Variants in ZNF81 observed in about 807,000 individuals in gnomAD.
ZNF81 encodes zinc finger protein 81.
A neutral mutation model predicts 32.3 loss-of-function variants in ZNF81; 5 were observed. The observed-to-expected ratio is 0.15, with a 90% CI of 0.08 to 0.33. ZNF81 has a LOEUF of 0.33. ZNF81 is among the 10% of genes least tolerant of loss of function. The pLI is 1.00. For synonymous variants in ZNF81, 163 were observed against 166.8 expected, an observed-to-expected ratio of 0.98 and a Z score of 0.17; for missense variants, 379 against 479.8, an observed-to-expected ratio of 0.79 and a Z score of 1.96.
rs1382042633 is a variant in ZNF81 at position 47,915,888 on chromosome X, C to T, written c.1242C>T (p.His414=). ...AAATTCACACTGGAGAGAGACATCACAAATGCAGTGAGTGTGGGAAAGCCT... is the reference window on the plus strand; with the variant it reads ...AAATTCACACTGGAGAGAGACATCATAAATGCAGTGAGTGTGGGAAAGCCT... ...HQKIHTGERH[H]KCSECGKAFT... is the part of the protein sequence containing the mutation. The change falls in exon 5 of 5, where the codon CAC becomes CAT. Residue 414 remains histidine (H), a synonymous_variant. Coordinates refer to ENST00000338637, the MANE Select transcript of ZNF81 (RefSeq NM_007137.5). 1.7e-6 allele frequency: 2 copies of T among 1,207,841 alleles called. No individual in the cohort carries two copies. The highest frequency in any genetic ancestry group is 3.5e-5 in the African/African-American group (2 of 56,962).
chrX:47,871,803 G>C (rs782401273), intron 2 of ZNF81, among the ~76,000 whole-genome samples: 55 of 112,241 alleles, frequency 4.9e-4, no homozygotes, highest in Non-Finnish European at 5.8e-4. Context: ...TTTTCACTAA[G>C]TGTGGCAGCT....
chrX:47,905,634 A>G (rs2058718858), intron 4 of ZNF81, among the ~76,000 whole-genome samples: 1 of 110,310 alleles, frequency 9.1e-6, no homozygotes, highest in Non-Finnish European at 1.9e-5. Context: ...TTTTTTTCAG[A>G]CATAGAAGTT....
intron 2 of ZNF81, among the ~76,000 whole-genome samples, chrX:47,868,808 CA>C (rs2058569400): frequency 9.1e-6 from 1 of 109,672 alleles, no homozygotes; most frequent in Non-Finnish European, 1.9e-5. Context: ...TGGGAAGGCT[CA>C]AGGGATACAT....
At position 47,917,154 on chromosome X, in the gene ZNF81, A is replaced by G. The variant is rs2058760229; in HGVS notation, c.*522A>G. The G allele has an allele frequency of 3.4e-6, 1 of 292,292 alleles. No homozygotes were observed. The highest frequency in any genetic ancestry group is 6.0e-6 in the Non-Finnish European group (1 of 166,893). 24.1% of individuals were successfully genotyped at this position (292,292 alleles called of 1,213,427 possible). The stretch of plus-strand genomic sequence containing the variant: ...ATTTTTTTTCAAATTTAGAATAATT[A>G]TGTCCATCAAATGTTTCTTACTGAA... On this transcript the variant is annotated 3_prime_UTR_variant, in exon 5 of 5. Transcript: ENST00000338637.
chrX:47,917,122 A>C lies in ZNF81; in HGVS notation c.*490A>C, dbSNP rs1315882894. 6 of 285,022 alleles carry C rather than the reference A, an allele frequency of 2.1e-5. No individual in the cohort carries two copies. Among genetic ancestry groups the C allele is most frequent in the Non-Finnish European group, 3.7e-5 (6 of 163,063 alleles). 23.5% of individuals were successfully genotyped at this position (285,022 alleles called of 1,213,427 possible). ...CAGAACACAGTGCAGAACAGGAGGA[A>C]TATTACATTTTTTTTCAAATTTAGA... On this transcript the variant is annotated 3_prime_UTR_variant, in exon 5 of 5. Transcript: ENST00000338637.
At position 47,895,706 on chromosome X, in the gene ZNF81, C is replaced by T. The variant is rs1278826823; in HGVS notation, c.182-139C>T. 5.7e-6 allele frequency: 3 copies of T among 521,925 alleles called. No homozygotes were observed. In the East Asian group the frequency reaches 1.1e-4, roughly 19 times the overall value. The allele number at this position is 521,925 out of a possible 1,213,427, so 43.0% of individuals were successfully genotyped here. A position where few individuals can be genotyped will look rare whatever the true frequency, so the allele number is the denominator to read the frequency against. ...ATTAGAACCCTATGATGATGTCCTC[C>T]TTGACTTGTCTGAGATTCTTCAGTC... On this transcript the variant is annotated intron_variant, in intron 3 of 4. Coordinates refer to ENST00000338637, the MANE Select transcript of ZNF81 (RefSeq NM_007137.5).
chrX:47,914,423 T>A, intron 4 of ZNF81, among the ~76,000 whole-genome samples: 1 of 112,230 alleles, frequency 8.9e-6, no homozygotes, highest in Non-Finnish European at 1.9e-5. Flanking sequence ...ACATACATCA[T>A]GGCTATTGCT....
chrX:47,890,112 T>A (rs1292989176), intron 3 of ZNF81, among the ~76,000 whole-genome samples: 1 of 111,321 alleles, frequency 9.0e-6, no homozygotes, highest in East Asian at 2.8e-4. Flanking sequence ...GTAGATGGAG[T>A]TTACTACCCA....
intron 2 of ZNF81, among the ~76,000 whole-genome samples, chrX:47,868,244 G>A (rs1458214379): frequency 8.9e-6 from 1 of 111,857 alleles, no homozygotes; most frequent in African/African-American, 3.2e-5. Context: ...GAGAGAATCT[G>A]CATCCTAAAT....
In ZNF81 at chrX:47,892,926, A is replaced by G. The variant is rs181644669; in HGVS notation, c.182-2919A>G. Among the ~76,000 whole-genome samples the G allele has an allele frequency of 8.6e-3, 968 of 112,822 alleles. 7 individuals are homozygous for G. Among genetic ancestry groups the G allele is most frequent in the African/African-American group, 0.03 (944 of 31,072 alleles). ...GGGAATTGGCAGTGCCTGTCAAGGC[A>G]AGTACCTCAGGGGAAGCCACTGAAA... On this transcript the variant is annotated intron_variant, in intron 3 of 4. Transcript: ENST00000338637.
intron 3 of ZNF81, among the ~76,000 whole-genome samples, chrX:47,890,218 C>T (rs1290857354): frequency 1.8e-5 from 2 of 110,443 alleles, no homozygotes; most frequent in Non-Finnish European, 3.8e-5. Flanking sequence ...CAGGCTGGGC[C>T]TCAATCAGAA....
intron 3 of ZNF81, among the ~76,000 whole-genome samples, chrX:47,889,739 G>A (rs1389572971): frequency 2.7e-5 from 3 of 112,005 alleles, no homozygotes; most frequent in African/African-American, 6.5e-5. Flanking sequence ...GAAGCCTCAG[G>A]AAGCTTCCAA....
chrX:47,886,710 C>T (rs1020751529), intron 2 of ZNF81, among the ~76,000 whole-genome samples: 2 of 108,078 alleles, frequency 1.9e-5, no homozygotes, highest in African/African-American at 6.8e-5. Context: ...TCAGTCTTCC[C>T]GCCTCAGCCT....
At chrX:47,903,019 C>T (rs782168133) in intron 4 of ZNF81, among the ~76,000 whole-genome samples, 1 of 112,082 alleles carries the variant, frequency 8.9e-6, no homozygotes, top group South Asian at 3.7e-4. Context: ...ACCCTTAAGG[C>T]TAAGAACTCT....
At chrX:47,863,723 G>A (rs1189770285) in intron 2 of ZNF81, among the ~76,000 whole-genome samples, 1 of 112,198 alleles carries the variant, frequency 8.9e-6, no homozygotes, top group South Asian at 3.7e-4. Context: ...GACCAGCTGG[G>A]AGGAAGGCAA....
intron 4 of ZNF81, among the ~76,000 whole-genome samples, chrX:47,903,012 C>T (rs1556888254): frequency 8.9e-6 from 1 of 112,075 alleles, no homozygotes; most frequent in Non-Finnish European, 1.9e-5. Context: ...TTCAACAACC[C>T]TTAAGGCTAA....
intron 2 of ZNF81, among the ~76,000 whole-genome samples, chrX:47,868,799 G>A (rs1046945904): frequency 6.4e-5 from 7 of 109,922 alleles, no homozygotes; most frequent in Non-Finnish European, 1.1e-4. Context: ...ATTTTATATT[G>A]GGAAGGCTCA....
rs1271526384 is a variant in ZNF81 at position 47,895,832 on chromosome X, G to A, written c.182-13G>A. ...TTTGCTGGACCCAATTCTCTATCGTGTCCTGTTAACAGGGTTCGAAGTTCC... is the reference window on the plus strand; with the variant it reads ...TTTGCTGGACCCAATTCTCTATCGTATCCTGTTAACAGGGTTCGAAGTTCC... On this transcript the variant is annotated splice_polypyrimidine_tract_variant and intron_variant, in intron 3 of 4. Coordinates refer to ENST00000338637, the MANE Select transcript of ZNF81 (RefSeq NM_007137.5). 8.5e-7 allele frequency: 1 copy of A among 1,180,855 alleles called. No homozygotes were observed. The highest frequency in any genetic ancestry group is 1.2e-6 in the Non-Finnish European group (1 of 869,343).
At chrX:47,849,293 A>C (rs2058483836) in intron 2 of ZNF81, among the ~76,000 whole-genome samples, 1 of 111,775 alleles carries the variant, frequency 8.9e-6, no homozygotes, top group Admixed American at 9.5e-5. Flanking sequence ...GCCTAGAAAG[A>C]GTCCATAGTT....
Sources: gnomAD v4.1 joint callset for allele counts (sites outside exome capture counted in the v4.1 genomes callset) on GRCh38, gnomAD v4.1.1 for gene constraint, MANE v1.5 for transcripts, NCBI Gene and HGNC (gene_info 2026-07-23, HGNC 2026-07-21) for gene names.